The following VPS53 variants were observed in gnomAD, a reference collection of about 807,000 sequenced individuals.
VPS53 encodes the protein VPS53 subunit of GARP complex, also known as vacuolar protein sorting-associated protein 53 homolog.
A neutral mutation model predicts 107.0 loss-of-function variants in VPS53; 70 were observed. The ratio of observed to expected loss-of-function variants is 0.65; its 90% CI spans 0.54 to 0.80. The LOEUF (loss-of-function observed/expected upper bound fraction) is 0.80, where lower values mean the gene tolerates loss of function less well. Ranked by LOEUF, VPS53 falls within the 30% of genes least tolerant of loss-of-function variation. VPS53 has a pLI of 0.00. For missense variants in VPS53, 917 were observed against 1,049.4 expected, an observed-to-expected ratio of 0.87 and a Z score of 1.74; for synonymous variants, 409 against 393.3, an observed-to-expected ratio of 1.04 and a Z score of -0.47.
chr17:532,952 CTT>C (rs938125545), intron 18 of VPS53, 41 bp from the exon 19 acceptor site: 3 of 1,594,944 alleles, frequency 1.9e-6, no homozygotes, highest in Non-Finnish European at 1.7e-6. Context: ...CTTATTCTCT[CTT>C]GAGGAAAGAA....
chr17:658,752 C>T (rs1218618985), intron 5 of VPS53, among the ~76,000 whole-genome samples: 2 of 150,438 alleles, frequency 1.3e-5, no homozygotes, highest in African/African-American at 2.5e-5. Context: ...GCCGTGAGTT[C>T]GTGGATAGAT....
At chr17:564,316 G>A (rs1020170382) in intron 13 of VPS53, among the ~76,000 whole-genome samples, 50 of 150,258 alleles carry the variant, frequency 3.3e-4, no homozygotes, top group Admixed American at 8.0e-4. Flanking sequence ...CAAGGCAGGC[G>A]GATCACAAGG....
intron 7 of VPS53, among the ~76,000 whole-genome samples, chr17:643,734 A>G (rs1205033810): frequency 1.3e-5 from 2 of 152,156 alleles, no homozygotes; most frequent in African/African-American, 4.8e-5. Flanking sequence ...GAAAGTGAGG[A>G]CAACACTCAT....
At chr17:673,106 C>T in intron 4 of VPS53, among the ~76,000 whole-genome samples, 1 of 143,346 alleles carries the variant, frequency 7.0e-6, no homozygotes, top group African/African-American at 2.5e-5. Context: ...AGCAAGATTC[C>T]GTCGCAAAAA....
At chr17:536,719 G>A (rs769582873) in intron 18 of VPS53, 23 of 280,996 alleles carry the variant, frequency 8.2e-5, no homozygotes, top group Non-Finnish European at 1.2e-4. Context: ...AAACAACCCA[G>A]TTGAGTATGA....
chr17:559,502 A>C (rs1002412918), intron 15 of VPS53, among the ~76,000 whole-genome samples: 2 of 152,174 alleles, frequency 1.3e-5, no homozygotes, highest in African/African-American at 4.8e-5. Context: ...CTGGAAGGTC[A>C]TGACCTTCGC....
chr17:673,140 A>C (rs534559974), intron 4 of VPS53, among the ~76,000 whole-genome samples: 36 of 152,016 alleles, frequency 2.4e-4, no homozygotes, highest in South Asian at 4.2e-4. Flanking sequence ...AAAACAAAAA[A>C]AAAACAACGG....
chr17:590,473 C>G (rs1967583538), intron 12 of VPS53, among the ~76,000 whole-genome samples: 1 of 151,650 alleles, frequency 6.6e-6, no homozygotes, highest in African/African-American at 2.4e-5. Flanking sequence ...AAAGGGAATG[C>G]TTCCAGTTTT....
At chr17:633,470 C>T (rs1970046283) in intron 7 of VPS53, among the ~76,000 whole-genome samples, 1 of 152,196 alleles carries the variant, frequency 6.6e-6, no homozygotes, top group African/African-American at 2.4e-5. Context: ...CAGCTCAAAA[C>T]CACAATTTCT....
At chr17:568,318 T>C (rs768116809) in intron 13 of VPS53, among the ~76,000 whole-genome samples, 2 of 152,142 alleles carry the variant, frequency 1.3e-5, no homozygotes, top group Non-Finnish European at 2.9e-5. Context: ...CACAGCTTAC[T>C]GCAACTTCTG....
chr17:532,159 G>A (rs1196928671), intron 19 of VPS53: 2 of 152,046 alleles, frequency 1.3e-5, no homozygotes, highest in African/African-American at 2.4e-5. Context: ...TGTTAGCCAG[G>A]CTGGTCTCGA....
chr17:627,237 C>A lies in VPS53; in HGVS notation c.911G>T (p.Arg304Leu). The change falls in exon 10 of 22, where the codon CGC (arginine) becomes CTC (leucine). Residue 304 changes from arginine (R) to leucine (L), a missense_variant. Arg to Leu is a moderately radical substitution (Grantham distance 102). Coordinates refer to ENST00000437048, the MANE Select transcript of VPS53 (RefSeq NM_001128159.3). ...QLVDYEEKYG[R>L]MFPREWCMAE... ...CATGCACCACTCACGTGGAAACATG[C>A]GGCCGTATTTCTCCTCATAGTCCAC... 1 of 1,614,066 alleles carries A rather than the reference C, an allele frequency of 6.2e-7. No individual in the cohort carries two copies. The highest frequency in any genetic ancestry group is 8.5e-7 in the Non-Finnish European group (1 of 1,180,020).
In VPS53 at chr17:699,315, A is replaced by T. The variant is rs1191185984; in HGVS notation, c.218+16T>A. On this transcript the variant is annotated intron_variant, in intron 3 of 21. Transcript: ENST00000437048. ...TACTTTTCATTAATTATGAACAATC[A>T]CACAGCTTTACTCACCTTATTTTCA... 4 of 1,542,894 alleles carry T rather than the reference A, an allele frequency of 2.6e-6. No homozygotes were observed. The highest frequency in any genetic ancestry group is 3.5e-6 in the Non-Finnish European group (4 of 1,151,668).
chr17:661,452 C>T (rs1300573502), intron 5 of VPS53, among the ~76,000 whole-genome samples: 3 of 143,008 alleles, frequency 2.1e-5, no homozygotes, highest in Non-Finnish European at 4.5e-5. Context: ...ACCTGGGAGG[C>T]GGAGGTTGCA....
intron 1 of VPS53, among the ~76,000 whole-genome samples, chr17:711,588 C>A (rs1973644120): frequency 6.6e-6 from 1 of 152,178 alleles, no homozygotes; most frequent in African/African-American, 2.4e-5. Context: ...GTATAACCCA[C>A]AGAGAGCAGG....
rs1299015922 is a variant in VPS53 at position 551,831 on chromosome 17, G to C, written c.1866+41C>G. ...GGGCCAGTAGAAGCCACCTTGGGCT[G>C]CTCTCGTTAGTTTGTAGGATGCCAT... is the stretch of plus-strand genomic sequence containing the variant. On this transcript the variant is annotated intron_variant, in intron 17 of 21. Coordinates refer to ENST00000437048, the MANE Select transcript of VPS53 (RefSeq NM_001128159.3). The C allele has an allele frequency of 2.6e-6, 4 of 1,523,480 alleles. No individual in the cohort carries two copies. The Admixed American group carries it at 7.8e-5, about 30-fold the overall frequency. 94.4% of individuals were successfully genotyped at this position (1,523,480 alleles called of 1,614,324 possible).
intron 13 of VPS53, among the ~76,000 whole-genome samples, chr17:563,889 C>T (rs374477723): frequency 6.6e-6 from 1 of 152,218 alleles, no homozygotes; most frequent in Non-Finnish European, 1.5e-5. Context: ...ATAATGGTTT[C>T]TTTCTCCTCC....
intron 17 of VPS53, 37 bp from the exon 18 acceptor site, chr17:537,213 CAGG>C (rs1910154885): frequency 3.1e-6 from 5 of 1,609,260 alleles, no homozygotes; most frequent in Non-Finnish European, 4.2e-6. Context: ...GAATCCCTCG[CAGG>C]AGAACGGTGT....
chr17:551,448 G>GTC (rs1911810159), intron 17 of VPS53, among the ~76,000 whole-genome samples: 1 of 152,058 alleles, frequency 6.6e-6, no homozygotes, highest in Admixed American at 6.6e-5. Context: ...TGCACCTGTG[G>GTC]TCTCAGCTAC....
Sources: gnomAD v4.1 joint callset for allele counts (sites outside exome capture counted in the v4.1 genomes callset) on GRCh38, gnomAD v4.1.1 for gene constraint, MANE v1.5 for transcripts, NCBI Gene and HGNC (gene_info 2026-07-23, HGNC 2026-07-21) for gene names.